The following RNF152 variants were observed in gnomAD, a reference collection of about 807,000 sequenced individuals.
The protein encoded by RNF152 is E3 ubiquitin-protein ligase RNF152.
RNF152 carries 11 observed loss-of-function variants against 12.7 expected under a neutral mutation model. The ratio of observed to expected loss-of-function variants is 0.86; its 90% CI spans 0.54 to 1.43. RNF152 has a LOEUF of 1.43. Among genes scored for constraint, RNF152 ranks in the 40% most tolerant of loss-of-function variants. The pLI is 0.00. For missense variants in RNF152, 255 were observed against 274.8 expected (o/e 0.93, Z 0.51); for synonymous variants, 113 against 120.3 (o/e 0.94, Z 0.40).
At chr18:61,882,285 G>T (rs1355708309) in intron 1 of RNF152, among the ~76,000 whole-genome samples, 1 of 152,246 alleles carries the variant, frequency 6.6e-6, no homozygotes, top group Non-Finnish European at 1.5e-5. Context: ...AGCACTGTGT[G>T]TGTAAAAATA....
intron 1 of RNF152, among the ~76,000 whole-genome samples, chr18:61,866,979 C>T (rs1222612606): frequency 1.3e-5 from 2 of 152,172 alleles, no homozygotes. Context: ...ATGGGAAGGG[C>T]CTTATGTGGG....
chr18:61,828,134 AC>A (rs1306670738), intron 1 of RNF152, among the ~76,000 whole-genome samples: 1 of 152,276 alleles, frequency 6.6e-6, no homozygotes, highest in Admixed American at 6.5e-5. Context: ...TATTTCCGCC[AC>A]CCCGAAAGGT....
intron 1 of RNF152, among the ~76,000 whole-genome samples, chr18:61,822,792 G>C (rs967200008): frequency 2.0e-5 from 3 of 152,144 alleles, no homozygotes; most frequent in Admixed American, 2.0e-4. Flanking sequence ...AAATTCAATG[G>C]TTGTGTTGAG....
chr18:61,857,374 A>T (rs1196045968), intron 1 of RNF152, among the ~76,000 whole-genome samples: 1 of 152,174 alleles, frequency 6.6e-6, no homozygotes, highest in African/African-American at 2.4e-5. Context: ...AAACTGAAAC[A>T]ATTTTTATAC....
chr18:61,887,269 G>A (rs1912741989), intron 1 of RNF152, among the ~76,000 whole-genome samples: 1 of 152,224 alleles, frequency 6.6e-6, no homozygotes, highest in Non-Finnish European at 1.5e-5. Flanking sequence ...TGGTCTAAGA[G>A]TGACAGCATT....
intron 1 of RNF152, among the ~76,000 whole-genome samples, chr18:61,870,820 C>G (rs1322468573): frequency 6.6e-6 from 1 of 152,118 alleles, no homozygotes; most frequent in African/African-American, 2.4e-5. Flanking sequence ...TCTCTGTTCC[C>G]CTAACTCCTT....
intron 1 of RNF152, among the ~76,000 whole-genome samples, chr18:61,890,929 C>T (rs1468245233): frequency 6.6e-6 from 1 of 152,220 alleles, no homozygotes; most frequent in African/African-American, 2.4e-5. Context: ...ATGAAAGAGG[C>T]ATTAAAGTTG....
intron 1 of RNF152, among the ~76,000 whole-genome samples, chr18:61,885,599 C>T (rs561300004): frequency 1.2e-4 from 18 of 152,312 alleles, no homozygotes; most frequent in Admixed American, 5.9e-4. Context: ...TGAGCCACCA[C>T]GCCCAGCCGA....
chr18:61,840,391 C>A (rs1455311224), intron 1 of RNF152, among the ~76,000 whole-genome samples: 1 of 152,208 alleles, frequency 6.6e-6, no homozygotes, highest in Non-Finnish European at 1.5e-5. Context: ...GGATCCTGGT[C>A]TATCTTTTCT....
rs774893254 is a variant in RNF152, at chr18:61,828,596, G to A, written c.-135-11998C>T. Among the ~76,000 whole-genome samples, 58 of 150,848 alleles carry A rather than the reference G, an allele frequency of 3.8e-4. 1 individual carries two copies. Among genetic ancestry groups the A allele is most frequent in the Non-Finnish European group, 6.5e-4 (44 of 67,612 alleles). ...TACACCATTGCACTGGCAAATTTAT[G>A]TATTTAAAACCCAATCCATAGGTAT... On this transcript the variant is annotated intron_variant, in intron 1 of 1. Coordinates refer to ENST00000312828, the MANE Select transcript of RNF152 (RefSeq NM_173557.3).
At chr18:61,833,512 G>C (rs1599276391) in intron 1 of RNF152, among the ~76,000 whole-genome samples, 1 of 152,206 alleles carries the variant, frequency 6.6e-6, no homozygotes, top group East Asian at 1.9e-4. Context: ...AAACTCCTCT[G>C]CGTTTCCCTC....
chr18:61,818,062 G>A (rs1909198568), intron 1 of RNF152, among the ~76,000 whole-genome samples: 2 of 152,008 alleles, frequency 1.3e-5, no homozygotes, highest in African/African-American at 4.8e-5. Context: ...AATTTCCTTT[G>A]TGAAATTAAG....
At chr18:61,881,047 G>A (rs1040118742) in intron 1 of RNF152, among the ~76,000 whole-genome samples, 1 of 151,774 alleles carries the variant, frequency 6.6e-6, no homozygotes, top group Non-Finnish European at 1.5e-5. Flanking sequence ...CCAAGTAGCT[G>A]GGATTACAGG....
At chr18:61,853,590 C>T (rs906276079) in intron 1 of RNF152, among the ~76,000 whole-genome samples, 6 of 152,152 alleles carry the variant, frequency 3.9e-5, no homozygotes, top group Non-Finnish European at 7.3e-5. Context: ...CGCACCTCAC[C>T]GGTTCCTTAC....
chr18:61,857,837 T>A (rs1019909792), intron 1 of RNF152, among the ~76,000 whole-genome samples: 2 of 152,258 alleles, frequency 1.3e-5, no homozygotes, highest in African/African-American at 4.8e-5. Flanking sequence ...CATTGGCGTG[T>A]ATAAACATCT....
At position 61,815,921 on chromosome 18, in the gene RNF152, G is replaced by T. The variant is rs770402857; in HGVS notation, c.543C>A (p.Phe181Leu). The stretch of plus-strand genomic sequence containing the variant: ...TGTTGTGAAGCACGATGCCGAGGAG[G>T]AAGACCAAGACGCAAGCCACCAAGA... ...TVILVACVLVFLLGIVLHNMS... is the reference protein window; with the variant it reads ...TVILVACVLVLLLGIVLHNMS... Residue 181 changes from phenylalanine to leucine, a missense_variant, in exon 2 of 2, where the codon TTC becomes TTA. Physicochemically the swap from Phe to Leu is conservative, Grantham distance 22. Transcript: ENST00000312828. 6.2e-7 allele frequency: 1 copy of T among 1,614,082 alleles called. No individual in the cohort carries two copies. The highest frequency in any genetic ancestry group is 8.5e-7 in the Non-Finnish European group (1 of 1,180,042).
chr18:61,812,652 C>G lies in RNF152; in HGVS notation c.*3200G>C, dbSNP rs1908861642. 6.6e-6 allele frequency: 1 copy of G among 152,138 alleles called. No homozygotes were observed. Among genetic ancestry groups the G allele is most frequent in the Non-Finnish European group, 1.5e-5 (1 of 68,022 alleles). The allele number at this position is 152,138 out of a possible 1,614,324, so 9.4% of individuals were successfully genotyped here. On this transcript the variant is annotated 3_prime_UTR_variant, in exon 2 of 2. Coordinates refer to ENST00000312828, the MANE Select transcript of RNF152 (RefSeq NM_173557.3). ...TTAATAAAGATGAAAATTCATGCTT[C>G]TTATAGTTTACTATTTATACAACAC...
chr18:61,858,066 T>C (rs974008384), intron 1 of RNF152, among the ~76,000 whole-genome samples: 2 of 152,310 alleles, frequency 1.3e-5, no homozygotes, highest in East Asian at 3.9e-4. Context: ...TTGTCTGTCC[T>C]TCTGAAATCT....
chr18:61,839,624 G>A (rs895761650), intron 1 of RNF152, among the ~76,000 whole-genome samples: 6 of 152,112 alleles, frequency 3.9e-5, no homozygotes, highest in East Asian at 1.9e-4. Flanking sequence ...GGCTGGGCAC[G>A]GTGGCTCACC....
Sources: allele counts gnomAD v4.1 joint callset (sites outside exome capture counted in the v4.1 genomes callset), GRCh38; gene constraint gnomAD v4.1.1; transcripts MANE v1.5; gene names NCBI Gene and HGNC (gene_info 2026-07-23, HGNC 2026-07-21).